GPHN: variants seen among roughly 807,000 people sequenced by gnomAD.
GPHN encodes the protein gephyrin.
In GPHN, 17 loss-of-function variants were observed where a neutral mutation model predicts 95.5. The ratio of observed to expected loss-of-function variants is 0.18; its 90% CI spans 0.12 to 0.27. The LOEUF is 0.27. Among genes scored for constraint, GPHN ranks in the 10% least tolerant of loss-of-function variants. The pLI, the probability that GPHN is intolerant of heterozygous loss-of-function variation, is 1.00. For synonymous variants in GPHN, 320 were observed against 322.5 expected (o/e 0.99, Z 0.08); for missense variants, 660 against 978.1 (o/e 0.67, Z 4.34).
chr14:66,848,775 G>A (rs1050326638), intron 4 of GPHN, among the ~76,000 whole-genome samples: 6 of 151,452 alleles, frequency 4.0e-5, no homozygotes, highest in African/African-American at 1.4e-4. Flanking sequence ...CATGCTTTTT[G>A]CAAGAAAAAA....
At position 66,610,256 on chromosome 14, in the gene GPHN, T is replaced by C. The variant is rs962901136; in HGVS notation, c.65-70851T>C. ...ACCAGTAGATGGTGCTTAAGTATAA[T>C]GGCCGATAGATAGGCTTTGGCTCTG... On this transcript the variant is annotated intron_variant, in intron 1 of 22. Transcript: ENST00000478722. 1.4e-4 allele frequency among the ~76,000 whole-genome samples: 21 copies of C among 152,140 alleles called. 1 individual carries two copies. The highest frequency in any genetic ancestry group is 5.1e-4 in the African/African-American group (21 of 41,450).
rs148538531 is a variant in GPHN at position 66,517,477 on chromosome 14, T to G, written c.64+8886T>G. On this transcript the variant is annotated intron_variant, in intron 1 of 22. Transcript: ENST00000478722. The stretch of plus-strand genomic sequence containing the variant: ...GTATGGAACCATAAAGGACCTGGAA[T>G]AGCCAAAGCAATCCTGAACAAAAAG... 8.8e-3 allele frequency among the ~76,000 whole-genome samples: 1,343 copies of G among 152,294 alleles called. 13 individuals are homozygous for G. Among genetic ancestry groups the G allele is most frequent in the Middle Eastern group, 0.031 (9 of 294 alleles).
At chr14:67,124,554 G>C (rs1330297848) in intron 17 of GPHN, among the ~76,000 whole-genome samples, 1 of 152,110 alleles carries the variant, frequency 6.6e-6, no homozygotes, top group Non-Finnish European at 1.5e-5. Flanking sequence ...CTTTTCCAAA[G>C]ACCAAAATCA....
the GPHN span, chr14:67,221,695 C>T: frequency 9.0e-6 from 14 of 1,562,844 alleles, no homozygotes; most frequent in South Asian, 4.7e-5. Flanking sequence ...AAAGAATGAC[C>T]GGTTATTTTA....
At chr14:67,543,996 G>A in the GPHN span, among the ~76,000 whole-genome samples, 1 of 152,174 alleles carries the variant, frequency 6.6e-6, no homozygotes, top group Non-Finnish European at 1.5e-5. Context: ...TTTGAAGTTA[G>A]AGTTTTAATA....
At chr14:67,381,291 A>G in the GPHN span, among the ~76,000 whole-genome samples, 1 of 152,186 alleles carries the variant, frequency 6.6e-6, no homozygotes, top group East Asian at 1.9e-4. Context: ...TAGCACCCTT[A>G]TATTATACAT....
chr14:66,522,000 T>G (rs762827392), intron 1 of GPHN, among the ~76,000 whole-genome samples: 2 of 152,130 alleles, frequency 1.3e-5, no homozygotes, highest in Non-Finnish European at 2.9e-5. Context: ...CTGTTTCTTC[T>G]TTCTCCTGCT....
intron 1 of GPHN, among the ~76,000 whole-genome samples, chr14:66,650,434 A>G (rs1243476295): frequency 1.3e-5 from 2 of 152,204 alleles, no homozygotes; most frequent in Non-Finnish European, 2.9e-5. Flanking sequence ...TTACATGAAG[A>G]GTTGATCCTG....
intron 1 of GPHN, among the ~76,000 whole-genome samples, chr14:66,539,711 A>G (rs1371930720): frequency 6.6e-6 from 1 of 151,910 alleles, no homozygotes; most frequent in Non-Finnish European, 1.5e-5. Flanking sequence ...GTGAGCCACC[A>G]CGCCCAGCCT....
At chr14:66,909,934 A>C (rs2065585726) in intron 5 of GPHN, among the ~76,000 whole-genome samples, 1 of 151,902 alleles carries the variant, frequency 6.6e-6, no homozygotes. Context: ...TATAAACCCA[A>C]GGTGTATTTT....
intron 11 of GPHN, among the ~76,000 whole-genome samples, chr14:67,063,474 C>T (rs1472087161): frequency 6.6e-6 from 1 of 152,118 alleles, no homozygotes; most frequent in Non-Finnish European, 1.5e-5. Context: ...TGAAGAAAGT[C>T]ATTGGTAGCT....
chr14:66,621,614 G>A (rs1252578833), intron 1 of GPHN, among the ~76,000 whole-genome samples: 1 of 151,126 alleles, frequency 6.6e-6, no homozygotes, highest in South Asian at 2.1e-4. Context: ...TAGTAGAGAC[G>A]GGGTTTCACC....
At chr14:67,587,102 G>A in the GPHN span, 3 of 1,612,340 alleles carry the variant, frequency 1.9e-6, no homozygotes, top group Non-Finnish European at 2.5e-6. Context: ...ATCATGGCCA[G>A]CTATATGAAC....
chr14:67,273,012 T>C, the GPHN span, among the ~76,000 whole-genome samples: 1 of 149,680 alleles, frequency 6.7e-6, no homozygotes, highest in African/African-American at 2.6e-5. Flanking sequence ...TTCTTCATTC[T>C]CACTGTCCTA....
chr14:66,967,766 A>C (rs1170889252), intron 9 of GPHN, among the ~76,000 whole-genome samples: 1 of 151,922 alleles, frequency 6.6e-6, no homozygotes, highest in East Asian at 1.9e-4. Context: ...TGCTAAGAAG[A>C]AATGAAAATG....
the GPHN span, among the ~76,000 whole-genome samples, chr14:67,214,341 T>C: frequency 6.6e-6 from 1 of 152,212 alleles, no homozygotes; most frequent in East Asian, 1.9e-4. Context: ...TTAATTTTTG[T>C]ATAAGGTGTA....
the GPHN span, among the ~76,000 whole-genome samples, chr14:67,596,479 T>C: frequency 1.3e-5 from 2 of 152,104 alleles, no homozygotes; most frequent in Non-Finnish European, 1.5e-5. Context: ...AAAAAAATTA[T>C]TGATGACCTA....
chr14:67,599,535 A>C, the GPHN span, among the ~76,000 whole-genome samples: 4,069 of 152,294 alleles, frequency 0.027, 150 homozygotes, highest in African/African-American at 0.087. Flanking sequence ...AGGAAGAACT[A>C]TAACACTCTA....
At chr14:67,639,639 C>G in the GPHN span, among the ~76,000 whole-genome samples, 5,212 of 152,022 alleles carry the variant, frequency 0.034, 267 homozygotes, top group African/African-American at 0.11. Context: ...CTGTACAGTA[C>G]ACTGGGTGCA....
Sources: allele counts gnomAD v4.1 joint callset (sites outside exome capture counted in the v4.1 genomes callset), GRCh38; gene constraint gnomAD v4.1.1; transcripts MANE v1.5; gene names NCBI Gene and HGNC (gene_info 2026-07-23, HGNC 2026-07-21).